FSTL4: variants seen among roughly 807,000 people sequenced by gnomAD.
The protein encoded by FSTL4 is follistatin like 4.
FSTL4 carries 28 observed loss-of-function variants against 78.2 expected under a neutral mutation model. The ratio of observed to expected loss-of-function variants is 0.36; its 90% CI spans 0.27 to 0.49. The LOEUF is 0.49. FSTL4 is among the 20% of genes least tolerant of loss of function. The pLI is 0.98. For missense variants in FSTL4, 922 were observed against 1,084.9 expected (o/e 0.85, Z 2.11); for synonymous variants, 422 against 440.5 (o/e 0.96, Z 0.53).
intron 1 of FSTL4, among the ~76,000 whole-genome samples, chr5:133,604,623 C>T (rs1201604871): frequency 1.3e-5 from 2 of 152,030 alleles, no homozygotes; most frequent in Admixed American, 6.5e-5. Flanking sequence ...GCAGGAGAAT[C>T]GCTTGAACTC....
intron 6 of FSTL4, among the ~76,000 whole-genome samples, chr5:133,298,398 C>A (rs186062714): frequency 6.6e-6 from 1 of 152,208 alleles, no homozygotes; most frequent in Admixed American, 6.5e-5. Context: ...GGGTGGGCTT[C>A]CCCACTGTGG....
chr5:133,301,074 G>A (rs1279101098), intron 6 of FSTL4, among the ~76,000 whole-genome samples: 3 of 152,208 alleles, frequency 2.0e-5, no homozygotes, highest in Non-Finnish European at 4.4e-5. Flanking sequence ...CAGAAAGGAT[G>A]CCACTTCAGG....
the FSTL4 span, among the ~76,000 whole-genome samples, chr5:133,751,677 A>G: frequency 6.6e-6 from 1 of 152,224 alleles, no homozygotes; most frequent in Non-Finnish European, 1.5e-5. Flanking sequence ...AGCACGGATA[A>G]TCAAAAACAA....
At chr5:133,507,330 A>G (rs1441151940) in intron 3 of FSTL4, among the ~76,000 whole-genome samples, 1 of 152,204 alleles carries the variant, frequency 6.6e-6, no homozygotes, top group Non-Finnish European at 1.5e-5. Flanking sequence ...AATCTCCCCA[A>G]GCAGGCTGAA....
intron 4 of FSTL4, chr5:133,388,396 A>G (rs1295995249): frequency 6.6e-6 from 1 of 152,234 alleles, no homozygotes; most frequent in Non-Finnish European, 1.5e-5. Flanking sequence ...AATTCTACCA[A>G]TGTTCTTCAT....
chr5:133,751,695 T>A, the FSTL4 span, among the ~76,000 whole-genome samples: 1 of 152,104 alleles, frequency 6.6e-6, no homozygotes, highest in Non-Finnish European at 1.5e-5. Context: ...CAAACTGGAA[T>A]TATTGACTGT....
At chr5:133,707,391 A>G in the FSTL4 span, among the ~76,000 whole-genome samples, 1 of 152,228 alleles carries the variant, frequency 6.6e-6, no homozygotes, top group Admixed American at 6.5e-5. Context: ...TCAAAAGGTC[A>G]ATCAATCACT....
chr5:133,333,948 GC>G (rs749657485), intron 4 of FSTL4: 46 of 152,266 alleles, frequency 3.0e-4, no homozygotes, highest in Non-Finnish European at 6.2e-4. Flanking sequence ...GCCCTTCAAT[GC>G]CCCATGTCTG....
intron 3 of FSTL4, among the ~76,000 whole-genome samples, chr5:133,404,124 A>G (rs1445495958): frequency 6.6e-6 from 1 of 152,270 alleles, no homozygotes; most frequent in African/African-American, 2.4e-5. Context: ...AGACAAAAGT[A>G]GCATGAAGGC....
chr5:133,260,921 C>G (rs1752506596), intron 6 of FSTL4, among the ~76,000 whole-genome samples: 4 of 152,092 alleles, frequency 2.6e-5, no homozygotes, highest in Admixed American at 2.6e-4. Context: ...AGTAAGGAAG[C>G]CCTCTGGGGG....
At chr5:133,497,646 G>A (rs1439932547) in intron 3 of FSTL4, among the ~76,000 whole-genome samples, 1 of 152,124 alleles carries the variant, frequency 6.6e-6, no homozygotes, top group African/African-American at 2.4e-5. Flanking sequence ...GGCACTGGGG[G>A]ATTGGAGTCT....
At chr5:133,527,690 T>C (rs700703) in intron 3 of FSTL4, among the ~76,000 whole-genome samples, 67,354 of 152,026 alleles carry the variant, frequency 0.44, 15,227 homozygotes, top group Admixed American at 0.53. Context: ...TCTCCCCTTC[T>C]CTCCATTGCA....
At chr5:133,308,794 T>C (rs1753711381) in intron 6 of FSTL4, among the ~76,000 whole-genome samples, 1 of 152,076 alleles carries the variant, frequency 6.6e-6, no homozygotes, top group South Asian at 2.1e-4. Flanking sequence ...ATGTCAGAGG[T>C]GAGGAAGGGT....
chr5:133,747,056 G>A, the FSTL4 span, among the ~76,000 whole-genome samples: 1 of 152,108 alleles, frequency 6.6e-6, no homozygotes, highest in African/African-American at 2.4e-5. Context: ...GCTTCTCTTC[G>A]GCCATAGAGC....
chr5:133,635,982 C>T, the FSTL4 span, among the ~76,000 whole-genome samples: 3 of 152,212 alleles, frequency 2.0e-5, no homozygotes, highest in Non-Finnish European at 4.4e-5. Flanking sequence ...AGTGTCACCT[C>T]ATAGTGCATG....
chr5:133,491,879 A>G (rs1443674310), intron 3 of FSTL4, among the ~76,000 whole-genome samples: 2 of 152,176 alleles, frequency 1.3e-5, no homozygotes, highest in Non-Finnish European at 2.9e-5. Context: ...TATTACTGAT[A>G]TATTCAGTTT....
rs114430191 is a variant in FSTL4 at position 133,477,730 on chromosome 5, G to A, written c.161-76744C>T. ...TGCTGAAATTTTATTTGGTTTGGGCGGCAACTTTTCTGAAAGCATCTTCTT... is the reference window on the plus strand; with the variant it reads ...TGCTGAAATTTTATTTGGTTTGGGCAGCAACTTTTCTGAAAGCATCTTCTT... On this transcript the variant is annotated intron_variant, in intron 3 of 15. Transcript: ENST00000265342. Among the ~76,000 whole-genome samples the A allele has an allele frequency of 3.5e-3, 530 of 152,210 alleles. 4 individuals carry two copies. The highest frequency in any genetic ancestry group is 0.012 in the African/African-American group (509 of 41,540).
chr5:133,674,177 T>G, the FSTL4 span, among the ~76,000 whole-genome samples: 4 of 152,320 alleles, frequency 2.6e-5, no homozygotes, highest in Non-Finnish European at 5.9e-5. Context: ...CACTGCTGTC[T>G]GTGAATCACT....
chr5:133,809,621 A>G, the FSTL4 span, among the ~76,000 whole-genome samples: 1 of 151,528 alleles, frequency 6.6e-6, no homozygotes, highest in Non-Finnish European at 1.5e-5. Context: ...AAAAAAAAAA[A>G]GAAAAAAAGA....
Sources: gnomAD v4.1 joint callset for allele counts (sites outside exome capture counted in the v4.1 genomes callset) on GRCh38, gnomAD v4.1.1 for gene constraint, MANE v1.5 for transcripts, NCBI Gene and HGNC (gene_info 2026-07-23, HGNC 2026-07-21) for gene names.